Variants in FRMD4A observed in about 807,000 individuals in gnomAD.
FRMD4A encodes FERM domain-containing protein 4A.
In FRMD4A, 29 loss-of-function variants were observed where a neutral mutation model predicts 129.1. That is an observed-to-expected ratio of 0.22 (90% CI 0.17 to 0.31). The LOEUF is 0.31. Among genes scored for constraint, FRMD4A ranks in the 10% least tolerant of loss-of-function variants. The pLI, the probability that FRMD4A is intolerant of heterozygous loss-of-function variation, is 1.00. For synonymous variants in FRMD4A, 634 were observed against 571.6 expected, an observed-to-expected ratio of 1.11 and a Z score of -1.56; for missense variants, 1,272 against 1,375.8, an observed-to-expected ratio of 0.92 and a Z score of 1.19.
At chr10:14,171,828 C>T (rs1841491584) in intron 2 of FRMD4A, among the ~76,000 whole-genome samples, 1 of 152,184 alleles carries the variant, frequency 6.6e-6, no homozygotes, top group South Asian at 2.1e-4. Context: ...GACCTATCAT[C>T]ATACCAGGAA....
At chr10:14,283,197 T>C (rs533663382) in intron 2 of FRMD4A, among the ~76,000 whole-genome samples, 3 of 152,362 alleles carry the variant, frequency 2.0e-5, no homozygotes, top group South Asian at 2.1e-4. Context: ...CCTTCAACCG[T>C]AATTCTCAGC....
chr10:14,138,690 G>A (rs1439895869), intron 2 of FRMD4A, among the ~76,000 whole-genome samples: 2 of 151,770 alleles, frequency 1.3e-5, no homozygotes, highest in South Asian at 2.1e-4. Context: ...AACCCAGGAG[G>A]TGGAGGTTGC....
chr10:13,908,981 C>G (rs1247078559), intron 2 of FRMD4A, among the ~76,000 whole-genome samples: 1 of 152,210 alleles, frequency 6.6e-6, no homozygotes, highest in Non-Finnish European at 1.5e-5. Context: ...CTCAGTGAGG[C>G]CATCGCTGTA....
chr10:13,926,186 A>G (rs1343005), intron 2 of FRMD4A, among the ~76,000 whole-genome samples: 89,407 of 151,894 alleles, frequency 0.59, 27,066 homozygotes, highest in East Asian at 0.98. Context: ...GGAACAGAAG[A>G]GAAAATGAGG....
chr10:14,152,301 T>G (rs1417555723), intron 2 of FRMD4A, among the ~76,000 whole-genome samples: 1 of 151,806 alleles, frequency 6.6e-6, no homozygotes, highest in Non-Finnish European at 1.5e-5. Flanking sequence ...CTAACTTTTT[T>G]GTATTTTTAG....
At chr10:13,862,914 C>T (rs1333650100) in intron 2 of FRMD4A, among the ~76,000 whole-genome samples, 3 of 150,866 alleles carry the variant, frequency 2.0e-5, no homozygotes, top group African/African-American at 7.3e-5. Context: ...AATAATACTG[C>T]TTTCCCTTGT....
intron 2 of FRMD4A, among the ~76,000 whole-genome samples, chr10:14,249,980 T>C (rs534175029): frequency 6.6e-6 from 1 of 152,346 alleles, no homozygotes; most frequent in African/African-American, 2.4e-5. Flanking sequence ...TATTTATTTA[T>C]TTATTTGAGA....
intron 3 of FRMD4A, among the ~76,000 whole-genome samples, chr10:13,825,437 G>T (rs2093687945): frequency 6.6e-6 from 1 of 152,194 alleles, no homozygotes; most frequent in Non-Finnish European, 1.5e-5. Context: ...AGCAGTATTA[G>T]ATTCTCCCGG....
chr10:13,967,866 C>T lies in FRMD4A; in HGVS notation c.46-108954G>A, dbSNP rs190567155. ...TTTGAGACCAGTCTGGACGACATGG[C>T]GAAACCCCATCTCTACAAAAAATAC... On this transcript the variant is annotated intron_variant, in intron 2 of 24. Transcript: ENST00000357447. 2.4e-3 allele frequency among the ~76,000 whole-genome samples: 361 copies of T among 152,244 alleles called. 10 individuals carry two copies. Among genetic ancestry groups the T allele is most frequent in the Non-Finnish European group, 6.0e-4 (41 of 68,010 alleles).
Position 14,232,514 on chromosome 10 carries a change from C to A in FRMD4A, c.45+97544G>T, listed in dbSNP as rs532269436. Among the ~76,000 whole-genome samples the A allele has an allele frequency of 6.0e-5, 9 of 149,026 alleles. No individual in the cohort carries two copies. In the South Asian group the frequency reaches 1.5e-3, roughly 24 times the overall value. Reference sequence around the variant, plus strand: ...AAATAGCTGCTGAATCTAGAAATTGCTTTGGGTAGTATGGACAGGTATTGA... The same window carrying A: ...AAATAGCTGCTGAATCTAGAAATTGATTTGGGTAGTATGGACAGGTATTGA... On this transcript the variant is annotated intron_variant, in intron 2 of 24. Transcript: ENST00000357447.
At chr10:14,167,478 A>T (rs760512090) in intron 2 of FRMD4A, among the ~76,000 whole-genome samples, 1 of 136,744 alleles carries the variant, frequency 7.3e-6, no homozygotes, top group Non-Finnish European at 1.5e-5. Flanking sequence ...CAGAAGTTGC[A>T]GTGAGCTGAG....
intron 2 of FRMD4A, among the ~76,000 whole-genome samples, chr10:13,932,152 T>C (rs1160197152): frequency 6.6e-6 from 1 of 152,234 alleles, no homozygotes; most frequent in African/African-American, 2.4e-5. Flanking sequence ...ATTGACCAAG[T>C]CTAAGTTTTG....
At chr10:13,830,235 C>A (rs1483516682) in intron 3 of FRMD4A, among the ~76,000 whole-genome samples, 2 of 152,206 alleles carry the variant, frequency 1.3e-5, no homozygotes, top group Admixed American at 1.3e-4. Flanking sequence ...CCCTCCTCGG[C>A]CCTCCTTCCC....
At chr10:13,951,929 T>TAATAATAATAATAATA (rs1554984653) in intron 2 of FRMD4A, among the ~76,000 whole-genome samples, 1 of 145,966 alleles carries the variant, frequency 6.9e-6, no homozygotes, top group Admixed American at 6.9e-5. Context: ...ATAATAATAA[T>TAATAATAATAATAATA]AAACAATCTA....
At chr10:14,200,312 G>A (rs1033830161) in intron 2 of FRMD4A, among the ~76,000 whole-genome samples, 1 of 147,448 alleles carries the variant, frequency 6.8e-6, no homozygotes, top group Non-Finnish European at 1.5e-5. Context: ...ATTTTTTTGA[G>A]ACAGACTCTC....
chr10:14,235,656 G>T (rs565542724), intron 2 of FRMD4A, among the ~76,000 whole-genome samples: 1 of 152,326 alleles, frequency 6.6e-6, no homozygotes, highest in South Asian at 2.1e-4. Flanking sequence ...GGGTTCAGTG[G>T]GTGGGCTTCC....
chr10:14,198,259 G>A (rs928937407), intron 2 of FRMD4A, among the ~76,000 whole-genome samples: 1 of 152,200 alleles, frequency 6.6e-6, no homozygotes, highest in African/African-American at 2.4e-5. Context: ...TGTCAGCACA[G>A]AGTCTTGGAG....
intron 2 of FRMD4A, among the ~76,000 whole-genome samples, chr10:13,872,190 C>T (rs1017189449): frequency 4.6e-5 from 7 of 152,214 alleles, no homozygotes; most frequent in Non-Finnish European, 7.3e-5. Flanking sequence ...GGCCCGGGGG[C>T]GCTGCAGGTC....
chr10:14,044,491 C>A (rs1324675920), intron 2 of FRMD4A, among the ~76,000 whole-genome samples: 1 of 152,172 alleles, frequency 6.6e-6, no homozygotes, highest in Non-Finnish European at 1.5e-5. Context: ...TATGACTAGC[C>A]CTTCTACGAA....
Sources: allele counts gnomAD v4.1 joint callset (sites outside exome capture counted in the v4.1 genomes callset), GRCh38; gene constraint gnomAD v4.1.1; transcripts MANE v1.5; gene names NCBI Gene and HGNC (gene_info 2026-07-23, HGNC 2026-07-21).